Variants in PLEKHM3 observed in about 807,000 individuals in gnomAD.
PLEKHM3 encodes pleckstrin homology domain-containing family M member 3.
Under a neutral mutation model 81.8 loss-of-function variants are expected in PLEKHM3, and 45 were observed. The observed-to-expected ratio is 0.55, with a 90% confidence interval of 0.43 to 0.71. PLEKHM3 has a LOEUF of 0.71. Ranked by LOEUF, PLEKHM3 falls within the 30% of genes least tolerant of loss-of-function variation. The pLI is 0.00. For missense variants in PLEKHM3, 788 were observed against 924.3 expected, an observed-to-expected ratio of 0.85 and a Z score of 1.91; for synonymous variants, 352 against 356.4, an observed-to-expected ratio of 0.99 and a Z score of 0.14.
intron 6 of PLEKHM3, among the ~76,000 whole-genome samples, chr2:207,892,701 G>T (rs10196699): frequency 3.8e-4 from 58 of 152,062 alleles, no homozygotes; most frequent in African/African-American, 1.4e-3. Flanking sequence ...TGCCATTGGT[G>T]GGGTGGAGAC....
At chr2:207,984,969 G>T (rs1386520596) in intron 2 of PLEKHM3, among the ~76,000 whole-genome samples, 1 of 151,770 alleles carries the variant, frequency 6.6e-6, no homozygotes, top group African/African-American at 2.4e-5. Context: ...GTTCTTGGTG[G>T]CTTTTTGGTT....
At chr2:207,971,642 G>A (rs538573081) in intron 3 of PLEKHM3, among the ~76,000 whole-genome samples, 30 of 151,398 alleles carry the variant, frequency 2.0e-4, no homozygotes, top group Admixed American at 1.7e-3. Context: ...ATCACATACA[G>A]GTACACACTT....
intron 6 of PLEKHM3, chr2:207,900,384 T>C (rs1258596440): frequency 1.3e-5 from 2 of 152,246 alleles, no homozygotes. Context: ...ATATCACCTT[T>C]TATGACTTGG....
At chr2:207,897,807 C>T (rs374522550) in intron 6 of PLEKHM3, among the ~76,000 whole-genome samples, 17 of 152,312 alleles carry the variant, frequency 1.1e-4, no homozygotes, top group African/African-American at 4.1e-4. Flanking sequence ...TTCTACCTCA[C>T]AAAGCAATGT....
At chr2:208,023,249 GC>G (rs1299949645) in intron 1 of PLEKHM3, among the ~76,000 whole-genome samples, 1 of 150,164 alleles carries the variant, frequency 6.7e-6, no homozygotes, top group Non-Finnish European at 1.5e-5. Flanking sequence ...TTCAAGCAAT[GC>G]CCCCGCCTCA....
At position 207,836,515 on chromosome 2, in the gene PLEKHM3, G is replaced by A. The variant is rs191329567; in HGVS notation, c.2109-8019C>T. Among the ~76,000 whole-genome samples, 144 of 152,254 alleles carry A rather than the reference G, an allele frequency of 9.5e-4. 2 individuals are homozygous for A. Among genetic ancestry groups the A allele is most frequent in the Non-Finnish European group, 1.6e-4 (11 of 68,022 alleles). On this transcript the variant is annotated intron_variant, in intron 7 of 7. Transcript: ENST00000427836. ...TTGAAACTAGGAAAATGAACCTGCT[G>A]CAAACTAGCAGAACTAAGTATGTGC...
At chr2:207,877,662 T>A (rs1180117979) in intron 6 of PLEKHM3, among the ~76,000 whole-genome samples, 1 of 152,172 alleles carries the variant, frequency 6.6e-6, no homozygotes, top group African/African-American at 2.4e-5. Flanking sequence ...AAAATTACAT[T>A]AAAAAACTGA....
intron 6 of PLEKHM3, among the ~76,000 whole-genome samples, chr2:207,903,357 G>C (rs1688504018): frequency 6.6e-6 from 1 of 152,018 alleles, no homozygotes; most frequent in Non-Finnish European, 1.5e-5. Context: ...GGGTGAGGTG[G>C]TGGGCAGTGG....
chr2:207,861,755 C>T (rs1271816148), intron 6 of PLEKHM3, among the ~76,000 whole-genome samples: 2 of 152,106 alleles, frequency 1.3e-5, no homozygotes, highest in Non-Finnish European at 2.9e-5. Flanking sequence ...GTTTCTTTTG[C>T]TGCTGGTAAG....
intron 7 of PLEKHM3, among the ~76,000 whole-genome samples, chr2:207,838,036 T>C (rs572011596): frequency 3.4e-4 from 51 of 151,888 alleles, no homozygotes; most frequent in African/African-American, 1.2e-3. Context: ...CCTCCCAAAG[T>C]GCTGGGATTA....
At chr2:207,918,394 CG>C (rs1676927239) in intron 5 of PLEKHM3, among the ~76,000 whole-genome samples, 1 of 151,976 alleles carries the variant, frequency 6.6e-6, no homozygotes, top group Non-Finnish European at 1.5e-5. Context: ...TGGTGGTGGG[CG>C]CCTGTAGTCC....
chr2:207,890,121 A>T (rs1458285050), intron 6 of PLEKHM3, among the ~76,000 whole-genome samples: 2 of 152,136 alleles, frequency 1.3e-5, no homozygotes, highest in African/African-American at 4.8e-5. Context: ...TTCATTTTTT[A>T]AAAATTGCAA....
chr2:207,927,825 G>A (rs1036360225), intron 5 of PLEKHM3, among the ~76,000 whole-genome samples: 10 of 152,168 alleles, frequency 6.6e-5, no homozygotes, highest in African/African-American at 2.2e-4. Context: ...GCAAAACTCC[G>A]TCTCAAAAAG....
intron 2 of PLEKHM3, among the ~76,000 whole-genome samples, chr2:207,987,582 A>C (rs1174511789): frequency 6.6e-6 from 1 of 152,216 alleles, no homozygotes; most frequent in Admixed American, 6.5e-5. Flanking sequence ...GTAGGTAATA[A>C]TATGAGTTAT....
chr2:207,856,995 C>A (rs910482140), intron 7 of PLEKHM3, among the ~76,000 whole-genome samples: 7 of 151,796 alleles, frequency 4.6e-5, no homozygotes, highest in Non-Finnish European at 1.0e-4. Context: ...CTGTTCCATG[C>A]GACCTTGAGA....
intron 3 of PLEKHM3, among the ~76,000 whole-genome samples, chr2:207,971,378 TAAC>T (rs1691114860): frequency 1.3e-5 from 2 of 152,282 alleles, no homozygotes; most frequent in African/African-American, 4.8e-5. Context: ...TGACTATAGT[TAAC>T]AATAATACGT....
intron 7 of PLEKHM3, among the ~76,000 whole-genome samples, chr2:207,860,251 GCCAACC>G (rs1221044506): frequency 6.6e-6 from 1 of 150,468 alleles, no homozygotes; most frequent in East Asian, 2.0e-4. Flanking sequence ...CTGTGTGTGG[GCCAACC>G]CAAATTCCCG....
At chr2:207,836,301 G>C (rs2105884230) in intron 7 of PLEKHM3, among the ~76,000 whole-genome samples, 1 of 125,670 alleles carries the variant, frequency 8.0e-6, no homozygotes, top group East Asian at 2.1e-4. Flanking sequence ...TCCAGCCTGG[G>C]CGACAGAGAG....
chr2:207,956,697 C>CTGTAATTTTTTTTT (rs1367738184), intron 3 of PLEKHM3, among the ~76,000 whole-genome samples: 3 of 149,250 alleles, frequency 2.0e-5, no homozygotes, highest in African/African-American at 7.4e-5. Flanking sequence ...AGGTGCATGC[C>CTGTAATTTTTTTTT]ACCACACCTG....
Sources: allele counts gnomAD v4.1 joint callset (sites outside exome capture counted in the v4.1 genomes callset), GRCh38; gene constraint gnomAD v4.1.1; transcripts MANE v1.5; gene names NCBI Gene and HGNC (gene_info 2026-07-23, HGNC 2026-07-21).